The following NPY2R variants were observed in gnomAD, a reference collection of about 807,000 sequenced individuals.
NPY2R encodes neuropeptide Y receptor Y2.
Under a neutral mutation model 22.3 loss-of-function variants are expected in NPY2R, and 17 were observed. The ratio of observed to expected loss-of-function variants is 0.76; its 90% CI spans 0.52 to 1.14. The LOEUF (loss-of-function observed/expected upper bound fraction) is 1.14, where lower values mean the gene tolerates loss of function less well. Ranked by LOEUF, NPY2R falls within the 50% of genes most tolerant of loss-of-function variation. The pLI, the probability that NPY2R is intolerant of heterozygous loss-of-function variation, is 0.00. For synonymous variants in NPY2R, 209 were observed against 183.4 expected (o/e 1.14, Z -1.13); for missense variants, 424 against 467.9 (o/e 0.91, Z 0.87).
chr4:155,212,284 G>A (rs770741839), intron 1 of NPY2R, among the ~76,000 whole-genome samples: 21 of 152,186 alleles, frequency 1.4e-4, no homozygotes, highest in Non-Finnish European at 2.4e-4. Context: ...CCACCATGGT[G>A]TTGGGCTCTG....
At chr4:155,205,423 T>C (rs1242132375), upstream of NPY2R, among the ~76,000 whole-genome samples, 2 of 152,168 alleles carry the variant, frequency 1.3e-5, no homozygotes, top group Non-Finnish European at 2.9e-5. Flanking sequence ...GTGCAGGAAA[T>C]CTATATCATG....
chr4:155,196,073 G>A, the NPY2R span, among the ~76,000 whole-genome samples: 8 of 152,014 alleles, frequency 5.3e-5, no homozygotes, highest in African/African-American at 1.9e-4. Context: ...CATTGCCCAT[G>A]CATGATAATA....
the NPY2R span, among the ~76,000 whole-genome samples, chr4:155,193,344 C>A: frequency 6.1e-4 from 92 of 151,990 alleles, 1 homozygote; most frequent in Non-Finnish European, 1.1e-3. Context: ...GTATTTAAAT[C>A]CAGGCAGGCT....
At chr4:155,198,619 T>C in the NPY2R span, among the ~76,000 whole-genome samples, 1 of 148,366 alleles carries the variant, frequency 6.7e-6, no homozygotes, top group African/African-American at 2.5e-5. Context: ...ATATATTTTT[T>C]TTCTGTTGGG....
At chr4:155,202,848 A>C in the NPY2R span, among the ~76,000 whole-genome samples, 1 of 152,136 alleles carries the variant, frequency 6.6e-6, no homozygotes, top group Admixed American at 6.6e-5. Flanking sequence ...ACACTTATTA[A>C]ATAAAATTGA....
the NPY2R span, among the ~76,000 whole-genome samples, chr4:155,180,091 T>G: frequency 6.6e-6 from 1 of 152,124 alleles, no homozygotes; most frequent in East Asian, 1.9e-4. Context: ...TTTCTTTTTC[T>G]TTATTTTTTC....
chr4:155,184,970 TA>T, the NPY2R span, among the ~76,000 whole-genome samples: 27 of 147,996 alleles, frequency 1.8e-4, no homozygotes, highest in African/African-American at 6.1e-4. Flanking sequence ...TATATATTTA[TA>T]AAAAATATTA....
Position 155,213,965 on chromosome 4 carries a change from A to C in NPY2R, c.26A>C (p.Asp9Ala), listed in dbSNP as rs774787097. ...ATGGGTCCAATAGGTGCAGAGGCTG[A>C]TGAGAACCAGACAGTGGAAGAAATG... MGPIGAEA[D>A]ENQTVEEMKV... Residue 9 changes from aspartate to alanine, a missense_variant, in exon 2 of 2, where the codon GAT becomes GCT. By Grantham distance (126) the Asp-to-Ala change is moderately radical. Coordinates refer to ENST00000329476, the MANE Select transcript of NPY2R (RefSeq NM_000910.4). 9 of 1,613,956 alleles carry C rather than the reference A, an allele frequency of 5.6e-6. No individual in the cohort carries two copies. In the Admixed American group the frequency reaches 1.5e-4, roughly 27 times the overall value.
At chr4:155,213,472 A>G (rs2111043523) in intron 1 of NPY2R, among the ~76,000 whole-genome samples, 1 of 152,316 alleles carries the variant, frequency 6.6e-6, no homozygotes, top group South Asian at 2.1e-4. Flanking sequence ...TAAATTTGAA[A>G]CAGTCAAGAT....
the NPY2R span, among the ~76,000 whole-genome samples, chr4:155,176,811 G>A: frequency 1.3e-5 from 2 of 152,118 alleles, no homozygotes; most frequent in Non-Finnish European, 2.9e-5. Context: ...GGGACCCAGT[G>A]TCCCTTCCAA....
the NPY2R span, among the ~76,000 whole-genome samples, chr4:155,203,595 G>T: frequency 6.6e-6 from 1 of 152,192 alleles, no homozygotes; most frequent in East Asian, 1.9e-4. Context: ...TCCATGAAAG[G>T]AAAAGCAGGC....
the NPY2R span, among the ~76,000 whole-genome samples, chr4:155,198,172 C>T: frequency 1.3e-5 from 2 of 151,842 alleles, no homozygotes; most frequent in East Asian, 3.9e-4. Context: ...CTGGGCTTTC[C>T]TCTAAAATGT....
upstream of NPY2R, among the ~76,000 whole-genome samples, chr4:155,204,031 CT>C (rs1459374785): frequency 6.6e-6 from 1 of 152,120 alleles, no homozygotes. Flanking sequence ...CCTCAAATTT[CT>C]TCCTTTTGGC....
At chr4:155,204,183 G>T (rs536501943), upstream of NPY2R, among the ~76,000 whole-genome samples, 3 of 151,472 alleles carry the variant, frequency 2.0e-5, no homozygotes, top group Middle Eastern at 3.4e-3. Context: ...CTCAGGGACC[G>T]CTGATATTAA....
In NPY2R at chr4:155,216,147, C is replaced by A. The variant is rs932487437; in HGVS notation, c.*1062C>A. On this transcript the variant is annotated 3_prime_UTR_variant, in exon 2 of 2. Coordinates refer to ENST00000329476, the MANE Select transcript of NPY2R (RefSeq NM_000910.4). ...AACAATGTAATTACATTAAAATGGA[C>A]CTATCTGTAAGAGGTACTAAAAACA... is the stretch of plus-strand genomic sequence containing the variant. 6.0e-6 allele frequency: 1 copy of A among 166,942 alleles called. No individual in the cohort carries two copies. Among genetic ancestry groups the A allele is most frequent in the Non-Finnish European group, 1.5e-5 (1 of 68,074 alleles). The allele number at this position is 166,942 out of a possible 1,614,324, so 10.3% of individuals were successfully genotyped here.
the NPY2R span, among the ~76,000 whole-genome samples, chr4:155,191,995 T>C: frequency 6.6e-6 from 1 of 151,942 alleles, no homozygotes; most frequent in Non-Finnish European, 1.5e-5. Flanking sequence ...TATGCATCAT[T>C]GTATGCAAAA....
intron 1 of NPY2R, among the ~76,000 whole-genome samples, chr4:155,210,208 T>C (rs80115713): frequency 0.06 from 9,089 of 151,786 alleles, 356 homozygotes; most frequent in Middle Eastern, 0.11. Context: ...AGTGCTGTCA[T>C]GAAATGATGC....
chr4:155,205,850 T>TATC (rs1729274661), upstream of NPY2R, among the ~76,000 whole-genome samples: 3 of 151,030 alleles, frequency 2.0e-5, no homozygotes, highest in Admixed American at 2.0e-4. Context: ...TCTATCTATC[T>TATC]ATCTATGATT....
At chr4:155,204,239 A>T (rs932149237), upstream of NPY2R, among the ~76,000 whole-genome samples, 2 of 151,306 alleles carry the variant, frequency 1.3e-5, no homozygotes, top group Non-Finnish European at 1.5e-5. Context: ...TTTCTGGCAG[A>T]GTGAAAACAG....
Sources: allele counts gnomAD v4.1 joint callset (sites outside exome capture counted in the v4.1 genomes callset), GRCh38; gene constraint gnomAD v4.1.1; transcripts MANE v1.5; gene names NCBI Gene and HGNC (gene_info 2026-07-23, HGNC 2026-07-21).